The following SAR1B variants were observed in gnomAD, a reference collection of about 807,000 sequenced individuals.
SAR1B encodes secretion associated Ras related GTPase 1B.
SAR1B carries 23 observed loss-of-function variants against 26.8 expected under a neutral mutation model. That is an observed-to-expected ratio of 0.86 (90% CI 0.62 to 1.22). SAR1B has a LOEUF of 1.22. Among genes scored for constraint, SAR1B ranks in the 50% most tolerant of loss-of-function variants. The probability of loss-of-function intolerance (pLI) is 0.00; values close to 1 mark genes in which losing one functional copy is unlikely to be tolerated. For synonymous variants in SAR1B, 65 were observed against 80.8 expected, an observed-to-expected ratio of 0.80 and a Z score of 1.05; for missense variants, 196 against 232.8, an observed-to-expected ratio of 0.84 and a Z score of 1.03.
intron 2 of SAR1B, among the ~76,000 whole-genome samples, chr5:134,622,701 C>T (rs1361102786): frequency 4.6e-5 from 7 of 151,244 alleles, no homozygotes; most frequent in South Asian, 2.1e-4. Context: ...TGAGCCACCG[C>T]GCCCGGCCTT....
At position 134,604,765 on chromosome 5, in the gene SAR1B, TC is replaced by T. The variant is rs1765101831; in HGVS notation, c.*2184del. ...CTAGAGAAACCAGTATGTTTTTTTT[TC>T]ATTTATACCCATTTACAACACAAAT... On this transcript the variant is annotated 3_prime_UTR_variant, in exon 7 of 7. Transcript: ENST00000402673. The T allele has an allele frequency of 1.3e-5, 2 of 152,208 alleles. No homozygotes were observed. The highest frequency in any genetic ancestry group is 2.1e-4 in the South Asian group (1 of 4,830). 9.4% of individuals were successfully genotyped at this position (152,208 alleles called of 1,614,324 possible).
intron 1 of SAR1B, among the ~76,000 whole-genome samples, chr5:134,625,001 G>A (rs1010970748): frequency 3.9e-5 from 6 of 152,134 alleles, no homozygotes; most frequent in African/African-American, 1.2e-4. Context: ...ATAGTGGGAT[G>A]GAAGAAGTAA....
chr5:134,626,793 G>A (rs749509093), intron 1 of SAR1B, among the ~76,000 whole-genome samples: 1 of 152,124 alleles, frequency 6.6e-6, no homozygotes, highest in Non-Finnish European at 1.5e-5. Context: ...ACTGAAGGAA[G>A]GAAAAATGGG....
intron 4 of SAR1B, among the ~76,000 whole-genome samples, chr5:134,611,826 A>C (rs1235689086): frequency 2.0e-5 from 3 of 151,838 alleles, no homozygotes; most frequent in Non-Finnish European, 4.4e-5. Flanking sequence ...AGAAGGTCTG[A>C]TTTGGTTGAA....
At chr5:134,612,896 T>C in intron 3 of SAR1B, 140 bp from the exon 4 acceptor site, 1 of 720,316 alleles carries the variant, frequency 1.4e-6, no homozygotes, top group East Asian at 2.7e-5. Flanking sequence ...GAAGCAAAAT[T>C]GATTCAAAGA....
intron 3 of SAR1B, among the ~76,000 whole-genome samples, chr5:134,615,246 G>A (rs1004794958): frequency 6.6e-6 from 1 of 151,770 alleles, no homozygotes; most frequent in Non-Finnish European, 1.5e-5. Context: ...TACCAGGGAG[G>A]CTGAGGCAGG....
chr5:134,612,052 A>G (rs1765223586), intron 4 of SAR1B, among the ~76,000 whole-genome samples: 1 of 152,190 alleles, frequency 6.6e-6, no homozygotes, highest in African/African-American at 2.4e-5. Flanking sequence ...CAGATCATAG[A>G]GATCCTGAAT....
chr5:134,621,575 A>G (rs766007137), intron 2 of SAR1B, among the ~76,000 whole-genome samples: 2 of 152,164 alleles, frequency 1.3e-5, no homozygotes, highest in Non-Finnish European at 2.9e-5. Context: ...AGTCAATAGA[A>G]TATGTGTTTT....
intron 1 of SAR1B, among the ~76,000 whole-genome samples, chr5:134,627,369 A>G (rs1301034666): frequency 6.6e-6 from 1 of 150,866 alleles, no homozygotes; most frequent in Non-Finnish European, 1.5e-5. Flanking sequence ...TTTTTTTGAC[A>G]GAGTCTCCCT....
At chr5:134,607,664 AG>A (rs1409656378) in intron 6 of SAR1B, among the ~76,000 whole-genome samples, 1 of 151,598 alleles carries the variant, frequency 6.6e-6, no homozygotes, top group African/African-American at 2.4e-5. Context: ...CCCAGCTACC[AG>A]GGAGGCTGAG....
chr5:134,603,238 T>TAAATC lies in SAR1B; in HGVS notation c.*3711_*3712insGATTT, dbSNP rs1232363435. The TAAATC allele has an allele frequency of 1.5e-4, 23 of 152,318 alleles. No individual in the cohort carries two copies. The highest frequency in any genetic ancestry group is 5.5e-4 in the African/African-American group (23 of 41,578). 9.4% of individuals were successfully genotyped at this position (152,318 alleles called of 1,614,324 possible). ...GGCAATAAATCCTTGCAAACGTCAG[T>TAAATC]CATGTAAGTGACTAACAAGACTGAA... On this transcript the variant is annotated 3_prime_UTR_variant, in exon 7 of 7. Coordinates refer to ENST00000402673, the MANE Select transcript of SAR1B (RefSeq NM_016103.4).
At position 134,607,009 on chromosome 5, in the gene SAR1B, C is replaced by A; in HGVS notation, c.538G>T (p.Val180Leu). The A allele has an allele frequency of 6.2e-7, 1 of 1,614,126 alleles. No homozygotes were observed. The highest frequency in any genetic ancestry group is 8.5e-7 in the Non-Finnish European group (1 of 1,179,998). ...TCTCCGTAACCTTGTCTTTTGAGCA[C>A]ACTACACATGAAAACTTCTAAGGGT... is the stretch of plus-strand genomic sequence containing the variant. Reference protein sequence around the residue: ...ARPLEVFMCSVLKRQGYGEGF... With the variant: ...ARPLEVFMCSLLKRQGYGEGF... Residue 180 changes from valine to leucine, a missense_variant, in exon 7 of 7, where the codon GTG becomes TTG. By Grantham distance (32) the Val-to-Leu change is conservative. Coordinates refer to ENST00000402673, the MANE Select transcript of SAR1B (RefSeq NM_016103.4).
intron 1 of SAR1B, among the ~76,000 whole-genome samples, chr5:134,624,682 C>A (rs1765467276): frequency 7.0e-6 from 1 of 142,348 alleles, no homozygotes. Flanking sequence ...GGCTAGAGTG[C>A]AATGGCTCGA....
chr5:134,626,488 C>T (rs1427296664), intron 1 of SAR1B, among the ~76,000 whole-genome samples: 1 of 152,006 alleles, frequency 6.6e-6, no homozygotes, highest in Non-Finnish European at 1.5e-5. Flanking sequence ...GGTTACACAA[C>T]ACCATGAACA....
chr5:134,620,592 G>A (rs981052995), intron 3 of SAR1B, among the ~76,000 whole-genome samples: 1 of 152,198 alleles, frequency 6.6e-6, no homozygotes, highest in Non-Finnish European at 1.5e-5. Context: ...CAGGTGCAGT[G>A]GCTCACGCCT....
intron 1 of SAR1B, among the ~76,000 whole-genome samples, chr5:134,627,646 A>C (rs1172814435): frequency 6.6e-6 from 1 of 150,722 alleles, no homozygotes; most frequent in Non-Finnish European, 1.5e-5. Context: ...AAAATACAGA[A>C]AAATTAGCCG....
In SAR1B at chr5:134,624,173, C is replaced by G. The variant is rs60354052; in HGVS notation, c.-18-136G>C. The G allele has an allele frequency of 0.025, 16,457 of 667,360 alleles. 624 individuals carry two copies. Among genetic ancestry groups the G allele is most frequent in the African/African-American group, 0.13 (7,463 of 55,900 alleles). The allele number at this position is 667,360 out of a possible 1,614,324, so 41.3% of individuals were successfully genotyped here. On this transcript the variant is annotated intron_variant, in intron 1 of 6. Coordinates refer to ENST00000402673, the MANE Select transcript of SAR1B (RefSeq NM_016103.4). The stretch of plus-strand genomic sequence containing the variant: ...ACAAAGAGTTACACACTTTGGGAAG[C>G]TGAGGTGGGTGGATCATCTGAGGTC...
intron 1 of SAR1B, among the ~76,000 whole-genome samples, chr5:134,625,082 T>C (rs1378771994): frequency 6.6e-6 from 1 of 152,140 alleles, no homozygotes; most frequent in African/African-American, 2.4e-5. Flanking sequence ...CTATGTCTCT[T>C]GTCTAAGATT....
chr5:134,606,159 G>C lies in SAR1B; in HGVS notation c.*791C>G, dbSNP rs777026488. The C allele has an allele frequency of 2.0e-5, 3 of 152,296 alleles. No individual in the cohort carries two copies. Among genetic ancestry groups the C allele is most frequent in the Non-Finnish European group, 4.4e-5 (3 of 68,172 alleles). 9.4% of individuals were successfully genotyped at this position (152,296 alleles called of 1,614,324 possible). ...TTCTTCAGAAGGCCAATCCCACAGG[G>C]ACTAGGACACAGACCCCATCAGCAA... On this transcript the variant is annotated 3_prime_UTR_variant, in exon 7 of 7. Transcript: ENST00000402673.
Sources: gnomAD v4.1 joint callset for allele counts (sites outside exome capture counted in the v4.1 genomes callset) on GRCh38, gnomAD v4.1.1 for gene constraint, MANE v1.5 for transcripts, NCBI Gene and HGNC (gene_info 2026-07-23, HGNC 2026-07-21) for gene names.